SCNN1G: variants seen among roughly 807,000 people sequenced by gnomAD.
The protein encoded by SCNN1G is sodium channel epithelial 1 subunit gamma, also known as epithelial sodium channel subunit gamma.
A neutral mutation model predicts 64.6 loss-of-function variants in SCNN1G; 27 were observed. That is an observed-to-expected ratio of 0.42 (90% CI 0.31 to 0.58). The LOEUF (loss-of-function observed/expected upper bound fraction) is 0.58. Ranked by LOEUF, SCNN1G falls within the 20% of genes least tolerant of loss-of-function variation. The pLI, the probability that SCNN1G is intolerant of heterozygous loss-of-function variation, is 0.18. For missense variants in SCNN1G, 743 were observed against 823.4 expected (o/e 0.90, Z 1.19); for synonymous variants, 330 against 314.2 (o/e 1.05, Z -0.53).
intron 6 of SCNN1G, among the ~76,000 whole-genome samples, chr16:23,203,126 G>A (rs377344067): frequency 6.6e-6 from 1 of 152,312 alleles, no homozygotes; most frequent in East Asian, 1.9e-4. Context: ...GATAAATCAA[G>A]GAAGAGAATT....
chr16:23,200,267 C>T (rs1009744881), intron 6 of SCNN1G, among the ~76,000 whole-genome samples: 15 of 151,952 alleles, frequency 9.9e-5, no homozygotes, highest in Admixed American at 6.6e-5. Context: ...CTTGGCTTGA[C>T]CTTTTTTTAA....
At chr16:23,211,539 G>A (rs971619408) in intron 7 of SCNN1G, among the ~76,000 whole-genome samples, 2 of 152,204 alleles carry the variant, frequency 1.3e-5, no homozygotes, top group African/African-American at 2.4e-5. Flanking sequence ...TCGGCCAGGT[G>A]TGGCTCATGC....
chr16:23,197,070 T>C (rs1959807098), intron 5 of SCNN1G, among the ~76,000 whole-genome samples, 194 bp from the exon 6 acceptor site: 1 of 152,162 alleles, frequency 6.6e-6, no homozygotes, highest in Admixed American at 6.5e-5. Context: ...GGCTAAGCTG[T>C]GGGGGCACAG....
In SCNN1G at chr16:23,186,224, C is replaced by T. The variant is rs5731; in HGVS notation, c.-44-4C>T. On this transcript the variant is annotated splice_region_variant and splice_polypyrimidine_tract_variant and intron_variant, in intron 1 of 12. Coordinates refer to ENST00000300061, the MANE Select transcript of SCNN1G (RefSeq NM_001039.4). The stretch of plus-strand genomic sequence containing the variant: ...TCACCTGCTTCTCTTCTTTGCCCCT[C>T]CAGCACGCCCGTCCTCAGAGTCCCG... 6.3e-7 allele frequency: 1 copy of T among 1,595,060 alleles called. No homozygotes were observed. The highest frequency in any genetic ancestry group is 1.1e-5 in the South Asian group (1 of 90,342).
rs749917250 is a variant in SCNN1G at position 23,197,446 on chromosome 16, T to C, written c.1077+19T>C. ...GCACCTGGTAAGAGAATATTCTCAT[T>C]TCCATAGGCTTGGAGAGAACAGATC... On this transcript the variant is annotated intron_variant, in intron 6 of 12. Transcript: ENST00000300061. 2.5e-6 allele frequency: 4 copies of C among 1,607,730 alleles called. No homozygotes were observed. The South Asian group carries it at 4.4e-5, about 18-fold the overall frequency.
chr16:23,211,880 C>T lies in SCNN1G; in HGVS notation c.1177-154C>T, dbSNP rs111326548. ...TTCCAGGTTGGGCCCTTTGCAGTTC[C>T]GGGACCATGCCCAGCCCAGTTGGCA... On this transcript the variant is annotated intron_variant, in intron 7 of 12. Coordinates refer to ENST00000300061, the MANE Select transcript of SCNN1G (RefSeq NM_001039.4). 1.6e-3 allele frequency among the ~76,000 whole-genome samples: 238 copies of T among 152,196 alleles called. 3 individuals are homozygous for T. The highest frequency in any genetic ancestry group is 5.4e-3 in the African/African-American group (224 of 41,532).
In SCNN1G at chr16:23,194,257, T is replaced by TG; in HGVS notation, c.902dup (p.Ser302GlnfsTer27). ...AATGAGACCATTCTCAGCACCTCCATGGGGGGCAGCGAATATGGTAAGGAA... is the reference window on the plus strand; with the variant it reads ...AATGAGACCATTCTCAGCACCTCCATGGGGGGGCAGCGAATATGGTAAGGAA... On this transcript the variant is annotated frameshift_variant, in exon 5 of 13. Transcript: ENST00000300061. LOFTEE classifies it high-confidence loss of function. The TG allele has an allele frequency of 1.9e-6, 3 of 1,610,320 alleles. No individual in the cohort carries two copies. Among genetic ancestry groups the TG allele is most frequent in the Non-Finnish European group, 2.5e-6 (3 of 1,176,626 alleles).
intron 6 of SCNN1G, among the ~76,000 whole-genome samples, chr16:23,204,541 C>T (rs2141940024): frequency 6.8e-6 from 1 of 147,162 alleles, no homozygotes; most frequent in South Asian, 2.1e-4. Flanking sequence ...ATATTATACA[C>T]TACTAGTACA....
chr16:23,193,642 C>A (rs948501278), intron 4 of SCNN1G, among the ~76,000 whole-genome samples: 1 of 152,134 alleles, frequency 6.6e-6, no homozygotes, highest in Non-Finnish European at 1.5e-5. Context: ...GAGCAAGACC[C>A]TATCTCAGAA....
chr16:23,191,335 T>C (rs890279864), intron 3 of SCNN1G, among the ~76,000 whole-genome samples: 1 of 152,216 alleles, frequency 6.6e-6, no homozygotes, highest in Non-Finnish European at 1.5e-5. Context: ...AAATGGACCT[T>C]CTTCTAAATC....
intron 5 of SCNN1G, among the ~76,000 whole-genome samples, 199 bp downstream of exon 5, chr16:23,194,473 C>G (rs1479648733): frequency 6.6e-6 from 1 of 152,140 alleles, no homozygotes; most frequent in South Asian, 2.1e-4. Context: ...GTTTGTTTTC[C>G]TTTTTGACTT....
chr16:23,213,074 A>G (rs750549175), intron 10 of SCNN1G, 28 bp from the exon 11 acceptor site: 3 of 1,608,510 alleles, frequency 1.9e-6, no homozygotes, highest in South Asian at 1.1e-5. Flanking sequence ...AGGCACCCTC[A>G]GGCCCACGCT....
chr16:23,186,657 A>C, intron 2 of SCNN1G, 69 bp downstream of exon 2: 1 of 1,348,144 alleles, frequency 7.4e-7, no homozygotes, highest in Non-Finnish European at 1.1e-6. Context: ...GCCCCTCCCG[A>C]AAGTGACACA....
intron 5 of SCNN1G, among the ~76,000 whole-genome samples, chr16:23,195,378 G>C (rs1959779169): frequency 6.6e-6 from 1 of 152,118 alleles, no homozygotes; most frequent in African/African-American, 2.4e-5. Context: ...TACATTTCTA[G>C]GGAAGGTAGG....
At chr16:23,199,773 G>C (rs1959858372) in intron 6 of SCNN1G, among the ~76,000 whole-genome samples, 1 of 136,922 alleles carries the variant, frequency 7.3e-6, no homozygotes, top group Non-Finnish European at 1.5e-5. Context: ...CCAGGTTCAT[G>C]CCACTCTCCT....
At chr16:23,197,132 C>A in intron 5 of SCNN1G, 132 bp from the exon 6 acceptor site, 1 of 751,886 alleles carries the variant, frequency 1.3e-6, no homozygotes, top group East Asian at 2.7e-5. Context: ...CCAGTCTAGC[C>A]CTCGTCCACC....
intron 11 of SCNN1G, among the ~76,000 whole-genome samples, chr16:23,213,415 G>T (rs557262650): frequency 6.6e-6 from 1 of 152,158 alleles, no homozygotes; most frequent in South Asian, 2.1e-4. Context: ...ATCACATCTG[G>T]CTAATTTTAT....
At position 23,212,164 on chromosome 16, in the gene SCNN1G, C is replaced by A; in HGVS notation, c.1294+13C>A. 1 of 1,544,596 alleles carries A rather than the reference C, an allele frequency of 6.5e-7. No individual in the cohort carries two copies. The highest frequency in any genetic ancestry group is 9.0e-7 in the Non-Finnish European group (1 of 1,116,984). On this transcript the variant is annotated intron_variant, in intron 8 of 12. Transcript: ENST00000300061. ...CACCCCAACTGGAGTGAGTGAGACC[C>A]AGCTCCAGCCTTGCATGCCCCAGGA...
chr16:23,194,063 C>T (rs988315562), intron 4 of SCNN1G, 108 bp from the exon 5 acceptor site: 1 of 783,388 alleles, frequency 1.3e-6, no homozygotes, highest in Non-Finnish European at 2.3e-6. Flanking sequence ...AGTCACATCT[C>T]TCACACATTC....
Sources: allele counts gnomAD v4.1 joint callset (sites outside exome capture counted in the v4.1 genomes callset), GRCh38; gene constraint gnomAD v4.1.1; transcripts MANE v1.5; gene names NCBI Gene and HGNC (gene_info 2026-07-23, HGNC 2026-07-21).